Variants in CAMK1D observed in about 807,000 individuals in gnomAD.
CAMK1D encodes the protein calcium/calmodulin dependent protein kinase ID, also known as calcium/calmodulin-dependent protein kinase type 1D.
In CAMK1D, 9 loss-of-function variants were observed where a neutral mutation model predicts 47.7. That is an observed-to-expected ratio of 0.19 (90% CI 0.11 to 0.33). The LOEUF (loss-of-function observed/expected upper bound fraction) is 0.33, where lower values mean the gene tolerates loss of function less well. Ranked by LOEUF, CAMK1D falls within the 10% of genes least tolerant of loss-of-function variation. CAMK1D has a pLI of 1.00. For synonymous variants in CAMK1D, 184 were observed against 184.9 expected (o/e 0.99, Z 0.04); for missense variants, 291 against 488.7 (o/e 0.60, Z 3.81).
At chr10:12,818,320 T>C (rs1832885100) in intron 8 of CAMK1D, among the ~76,000 whole-genome samples, 1 of 152,226 alleles carries the variant, frequency 6.6e-6, no homozygotes. Flanking sequence ...ATGTATTGTC[T>C]TCTTTTTTTC....
intron 3 of CAMK1D, among the ~76,000 whole-genome samples, chr10:12,751,985 C>CTT (rs111668928): frequency 1.4e-5 from 2 of 144,562 alleles, no homozygotes; most frequent in South Asian, 2.2e-4. Context: ...CTTGGATTAT[C>CTT]TTTTTTTTTT....
At chr10:12,354,874 C>G (rs1029989773) in intron 1 of CAMK1D, among the ~76,000 whole-genome samples, 3 of 141,568 alleles carry the variant, frequency 2.1e-5, no homozygotes. Flanking sequence ...CAGAGCCTTG[C>G]TCTGTCACTC....
At chr10:12,820,004 G>T (rs1265733160) in intron 8 of CAMK1D, among the ~76,000 whole-genome samples, 2 of 152,206 alleles carry the variant, frequency 1.3e-5, no homozygotes, top group Admixed American at 6.5e-5. Flanking sequence ...ATTGTGCTAG[G>T]AGGAGGGGCA....
At chr10:12,751,123 T>TAAGAA (rs1564535578) in intron 3 of CAMK1D, among the ~76,000 whole-genome samples, 5 of 120,532 alleles carry the variant, frequency 4.1e-5, no homozygotes, top group Non-Finnish European at 5.3e-5. Context: ...TAAGATAAGA[T>TAAGAA]AAGAAGGCTT....
chr10:12,665,128 G>A (rs1055905332), intron 2 of CAMK1D, among the ~76,000 whole-genome samples: 8 of 152,250 alleles, frequency 5.3e-5, no homozygotes, highest in East Asian at 1.9e-4. Context: ...CTCAGACCAC[G>A]TAGAAACTAT....
intron 2 of CAMK1D, among the ~76,000 whole-genome samples, chr10:12,580,497 G>A (rs966628678): frequency 2.6e-5 from 4 of 152,120 alleles, no homozygotes; most frequent in South Asian, 4.1e-4. Flanking sequence ...CTTGGTTTCC[G>A]ATGAGAGTGA....
intron 2 of CAMK1D, among the ~76,000 whole-genome samples, chr10:12,649,191 C>T (rs1235901201): frequency 2.0e-5 from 3 of 152,212 alleles, no homozygotes. Context: ...ACAATCTGTG[C>T]TTTGCCAAGT....
At chr10:12,496,341 G>C (rs1029619293) in intron 1 of CAMK1D, among the ~76,000 whole-genome samples, 5 of 152,202 alleles carry the variant, frequency 3.3e-5, no homozygotes, top group South Asian at 2.1e-4. Context: ...GGTAGGGGCT[G>C]TTTCTCTCTA....
chr10:12,554,866 T>C (rs555694930), intron 2 of CAMK1D, among the ~76,000 whole-genome samples: 1 of 152,304 alleles, frequency 6.6e-6, no homozygotes, highest in African/African-American at 2.4e-5. Context: ...CTGATGTGTC[T>C]GGATCCATCC....
At chr10:12,683,530 A>G (rs946840050) in intron 3 of CAMK1D, among the ~76,000 whole-genome samples, 11 of 152,100 alleles carry the variant, frequency 7.2e-5, no homozygotes, top group African/African-American at 2.7e-4. Flanking sequence ...TTGTTCTGTG[A>G]TAGCCCTTCC....
chr10:12,388,328 A>T (rs1397779143), intron 1 of CAMK1D, among the ~76,000 whole-genome samples: 1 of 152,148 alleles, frequency 6.6e-6, no homozygotes, highest in Non-Finnish European at 1.5e-5. Context: ...TGCCCGGCCC[A>T]AGCCCTTGTT....
chr10:12,590,351 C>T (rs185745099), intron 2 of CAMK1D, among the ~76,000 whole-genome samples: 8 of 152,218 alleles, frequency 5.3e-5, no homozygotes, highest in African/African-American at 1.2e-4. Context: ...CCGAGTAGCT[C>T]GGACTGTGGG....
intron 2 of CAMK1D, among the ~76,000 whole-genome samples, chr10:12,614,018 C>T (rs1838708582): frequency 2.6e-5 from 4 of 152,078 alleles, no homozygotes; most frequent in African/African-American, 9.7e-5. Context: ...TTACAGCTGC[C>T]CCATACTCTG....
intron 1 of CAMK1D, among the ~76,000 whole-genome samples, chr10:12,532,773 C>T (rs574083492): frequency 3.3e-5 from 5 of 152,090 alleles, no homozygotes; most frequent in Admixed American, 6.6e-5. Context: ...AAAAAGAATA[C>T]GATCCTGTCA....
intron 3 of CAMK1D, among the ~76,000 whole-genome samples, chr10:12,731,010 G>A (rs140075261): frequency 1.1e-4 from 17 of 152,314 alleles, no homozygotes; most frequent in African/African-American, 4.1e-4. Context: ...TAGGGCAGTC[G>A]CTGGCAGGGG....
chr10:12,568,148 C>CTTT (rs1837188576), intron 2 of CAMK1D, among the ~76,000 whole-genome samples: 1 of 88,260 alleles, frequency 1.1e-5, no homozygotes, highest in African/African-American at 5.0e-5. Flanking sequence ...CTCCCTCTCT[C>CTTT]CCTGTTTCCT....
At chr10:12,721,242 C>T (rs994001828) in intron 3 of CAMK1D, among the ~76,000 whole-genome samples, 2 of 152,210 alleles carry the variant, frequency 1.3e-5, no homozygotes, top group Non-Finnish European at 2.9e-5. Flanking sequence ...ATAAGTAATT[C>T]GAGACCAGTC....
intron 2 of CAMK1D, among the ~76,000 whole-genome samples, chr10:12,655,746 C>T (rs914320075): frequency 1.3e-5 from 2 of 152,276 alleles, no homozygotes; most frequent in Admixed American, 1.3e-4. Context: ...ATCACTTGGG[C>T]GTTTCTGTAT....
chr10:12,668,155 C>T (rs1840493078), intron 3 of CAMK1D, among the ~76,000 whole-genome samples: 1 of 152,188 alleles, frequency 6.6e-6, no homozygotes, highest in Non-Finnish European at 1.5e-5. Context: ...AGCTAGTTCT[C>T]CCCAAATTTG....
Sources: allele counts gnomAD v4.1 joint callset (sites outside exome capture counted in the v4.1 genomes callset), GRCh38; gene constraint gnomAD v4.1.1; transcripts MANE v1.5; gene names NCBI Gene and HGNC (gene_info 2026-07-23, HGNC 2026-07-21).